The following ANK2 variants were observed in gnomAD, a reference collection of about 807,000 sequenced individuals.
The protein encoded by ANK2 is ankyrin-2.
A neutral mutation model predicts 360.5 loss-of-function variants in ANK2; 83 were observed. That is an observed-to-expected ratio of 0.23 (90% CI 0.19 to 0.28). The LOEUF (loss-of-function observed/expected upper bound fraction) is 0.28. Ranked by LOEUF, ANK2 falls within the 10% of genes least tolerant of loss-of-function variation. The pLI is 1.00. For missense variants in ANK2, 4,201 were observed against 4,795.7 expected (o/e 0.88, Z 3.66); for synonymous variants, 1,740 against 1,759.5 (o/e 0.99, Z 0.28).
intron 1 of ANK2, among the ~76,000 whole-genome samples, chr4:112,829,258 G>C (rs1292274840): frequency 6.6e-6 from 1 of 152,084 alleles, no homozygotes. Context: ...CTAATGCTGA[G>C]AGTAGAGTGT....
At chr4:113,377,098 AATG>A (rs1426106278) in intron 45 of ANK2, among the ~76,000 whole-genome samples, 1 of 152,150 alleles carries the variant, frequency 6.6e-6, no homozygotes, top group Non-Finnish European at 1.5e-5. Context: ...AATACTTGAT[AATG>A]ATAATAAGTG....
At chr4:113,306,298 A>G (rs1445072734) in intron 23 of ANK2, among the ~76,000 whole-genome samples, 1 of 152,230 alleles carries the variant, frequency 6.6e-6, no homozygotes, top group Admixed American at 6.5e-5. Flanking sequence ...ATAACAGGGC[A>G]CATAGATTTT....
At chr4:113,048,261 T>TATATATATATATATAC (rs2065269881), upstream of ANK2, among the ~76,000 whole-genome samples, 1 of 90,580 alleles carries the variant, frequency 1.1e-5, no homozygotes, top group Non-Finnish European at 1.9e-5. Context: ...TATATATATA[T>TATATATATATATATAC]ATATATATAT....
intron 1 of ANK2, among the ~76,000 whole-genome samples, chr4:112,900,683 C>T (rs1023540960): frequency 3.9e-5 from 6 of 152,138 alleles, no homozygotes; most frequent in Non-Finnish European, 7.4e-5. Context: ...TCCCTCTTTC[C>T]ATCTTTCTCC....
At chr4:112,935,120 AGTGTGTGT>A (rs10601105) in intron 2 of ANK2, among the ~76,000 whole-genome samples, 3 of 148,758 alleles carry the variant, frequency 2.0e-5, no homozygotes, top group African/African-American at 4.9e-5. Context: ...AGTCAGAGAA[AGTGTGTGT>A]GTGTGTGTGT....
intron 35 of ANK2, chr4:113,348,003 T>G: frequency 2.2e-6 from 1 of 464,360 alleles, no homozygotes; most frequent in Non-Finnish European, 3.9e-6. Flanking sequence ...GGTCAAACTT[T>G]GAGACTGCCG....
At position 113,335,904 on chromosome 4, in the gene ANK2, C is replaced by G. The variant is rs760867782; in HGVS notation, c.3438C>G (p.Asp1146Glu). ...GAATCTGCCGCATCATCACCCGAGA[C>G]TTCCCACAGTACTTTGCAGTGGTGT... is the stretch of plus-strand genomic sequence containing the variant. ...KKRICRIITR[D>E]FPQYFAVVSR... is the part of the protein sequence containing the mutation. Residue 1146 changes from aspartate to glutamate, a missense_variant, in exon 30 of 46, where the codon GAC (aspartate) becomes GAG (glutamate). Physicochemically the swap from Asp to Glu is conservative, Grantham distance 45. Coordinates refer to ENST00000357077, the MANE Select transcript of ANK2 (RefSeq NM_001148.6). 3.1e-6 allele frequency: 5 copies of G among 1,614,076 alleles called. No homozygotes were observed. In the East Asian group the frequency reaches 8.9e-5, roughly 29 times the overall value.
intron 4 of ANK2, among the ~76,000 whole-genome samples, chr4:113,210,903 A>C (rs1320774395): frequency 6.6e-6 from 1 of 152,148 alleles, no homozygotes; most frequent in Non-Finnish European, 1.5e-5. Flanking sequence ...AGATTTATTG[A>C]TTCTTAGGAA....
chr4:113,312,383 G>A (rs2080519466), intron 24 of ANK2, among the ~76,000 whole-genome samples: 1 of 152,014 alleles, frequency 6.6e-6, no homozygotes, highest in Admixed American at 6.6e-5. Flanking sequence ...ACTATTGTAA[G>A]CTATTTTATG....
chr4:112,907,623 A>G (rs1025419033), intron 2 of ANK2, among the ~76,000 whole-genome samples: 19 of 152,246 alleles, frequency 1.2e-4, no homozygotes, highest in Non-Finnish European at 1.5e-5. Flanking sequence ...TCATCAAAAC[A>G]TGAAATTCTT....
intron 9 of ANK2, 132 bp downstream of exon 9, chr4:113,242,341 A>T: frequency 2.5e-6 from 2 of 812,654 alleles, no homozygotes. Flanking sequence ...GAATTGATTT[A>T]AATCTCATAC....
chr4:112,968,192 T>C (rs1217868067), intron 2 of ANK2, among the ~76,000 whole-genome samples: 3 of 152,224 alleles, frequency 2.0e-5, no homozygotes, highest in Non-Finnish European at 4.4e-5. Flanking sequence ...TGAACTGAGA[T>C]CTGTATTACT....
chr4:112,989,976 T>C (rs1484121369), intron 2 of ANK2, among the ~76,000 whole-genome samples: 1 of 152,164 alleles, frequency 6.6e-6, no homozygotes, highest in Non-Finnish European at 1.5e-5. Context: ...TTTTAAAAAA[T>C]AATTCAGGTA....
chr4:113,302,150 C>T (rs2075327287), intron 22 of ANK2, among the ~76,000 whole-genome samples: 1 of 152,178 alleles, frequency 6.6e-6, no homozygotes, highest in African/African-American at 2.4e-5. Flanking sequence ...AGATCCTTGT[C>T]TCTTAACCTT....
chr4:112,774,750 G>A, the ANK2 span, among the ~76,000 whole-genome samples: 280 of 152,278 alleles, frequency 1.8e-3, 3 homozygotes, highest in African/African-American at 6.4e-3. Flanking sequence ...AAGGAATAGT[G>A]TGAGTCAAAG....
intron 1 of ANK2, among the ~76,000 whole-genome samples, chr4:113,129,682 A>C (rs1472584792): frequency 6.6e-6 from 1 of 152,202 alleles, no homozygotes; most frequent in Non-Finnish European, 1.5e-5. Context: ...CATTTTTCAA[A>C]TATCTGAAGT....
chr4:113,258,124 G>T lies in ANK2; in HGVS notation c.1263G>T (p.Gly421=), dbSNP rs761400073. The change falls in exon 12 of 46, where the codon GGG becomes GGT. Residue 421 remains glycine, a synonymous_variant. Coordinates refer to ENST00000357077, the MANE Select transcript of ANK2 (RefSeq NM_001148.6). ...TCATGGAACTGCTGGTGAAATATGGGGCTTCAATCCAAGCTATAACAGAGG... is the reference window on the plus strand; with the variant it reads ...TCATGGAACTGCTGGTGAAATATGGTGCTTCAATCCAAGCTATAACAGAGG... The part of the protein sequence containing the change: ...IKVMELLVKY[G]ASIQAITESG... 3 of 1,613,944 alleles carry T rather than the reference G, an allele frequency of 1.9e-6. No individual in the cohort carries two copies. The highest frequency in any genetic ancestry group is 1.1e-5 in the South Asian group (1 of 91,074).
chr4:112,883,349 G>A (rs1232739920), intron 1 of ANK2, among the ~76,000 whole-genome samples: 1 of 151,890 alleles, frequency 6.6e-6, no homozygotes, highest in East Asian at 1.9e-4. Flanking sequence ...TGCTTGATCA[G>A]TCTTGTTCCA....
rs369640816 is a variant in ANK2, at chr4:112,822,777, CAAAG to C, written c.-40+4523_-40+4526del. Among the ~76,000 whole-genome samples, 119 of 149,724 alleles carry C rather than the reference CAAAG, an allele frequency of 7.9e-4. 1 individual carries two copies. Among genetic ancestry groups the C allele is most frequent in the African/African-American group, 2.3e-3 (92 of 40,856 alleles). On this transcript the variant is annotated intron_variant, in intron 1 of 30. Coordinates refer to the ANK2 transcript ENST00000503271. ...AAAACCTGAAATAATAAAAACAAAACAAAGAAAGAAAGATTTAAAAGATGTTTAA... is the reference window on the plus strand; with the variant it reads ...AAAACCTGAAATAATAAAAACAAAACAAAGAAAGATTTAAAAGATGTTTAA...
Sources: gnomAD v4.1 joint callset for allele counts (sites outside exome capture counted in the v4.1 genomes callset) on GRCh38, gnomAD v4.1.1 for gene constraint, MANE v1.5 for transcripts, NCBI Gene and HGNC (gene_info 2026-07-23, HGNC 2026-07-21) for gene names.